Variants in QKI observed in about 807,000 individuals in gnomAD.
The protein encoded by QKI is KH domain-containing RNA-binding protein QKI.
QKI carries 10 observed loss-of-function variants against 39.0 expected under a neutral mutation model. The observed-to-expected ratio is 0.26, with a 90% CI of 0.16 to 0.43. The LOEUF (loss-of-function observed/expected upper bound fraction) is 0.43. Ranked by LOEUF, QKI falls within the 20% of genes least tolerant of loss-of-function variation. The pLI is 1.00. For missense variants in QKI, 218 were observed against 428.0 expected, an observed-to-expected ratio of 0.51 and a Z score of 4.33; for synonymous variants, 204 against 155.4, an observed-to-expected ratio of 1.31 and a Z score of -2.33.
At chr6:163,520,131 G>A (rs1780059831) in intron 3 of QKI, among the ~76,000 whole-genome samples, 1 of 152,092 alleles carries the variant, frequency 6.6e-6, no homozygotes, top group Non-Finnish European at 1.5e-5. Flanking sequence ...TTTCAATTTA[G>A]CACCATGTCT....
chr6:163,470,005 A>G (rs1233255276), intron 2 of QKI, among the ~76,000 whole-genome samples: 1 of 152,212 alleles, frequency 6.6e-6, no homozygotes, highest in Admixed American at 6.5e-5. Context: ...CCAGCTGAGC[A>G]ATTCCAGGAA....
chr6:163,566,538 T>TA, intron 6 of QKI, 183 bp from the exon 7 acceptor site: 1 of 1,438,384 alleles, frequency 7.0e-7, no homozygotes, highest in South Asian at 1.4e-5. Context: ...GAATGCAATA[T>TA]TAATAGATGC....
chr6:163,445,015 C>T (rs1346121036), intron 1 of QKI, among the ~76,000 whole-genome samples: 1 of 152,102 alleles, frequency 6.6e-6, no homozygotes, highest in Non-Finnish European at 1.5e-5. Flanking sequence ...CTCAAGCGAT[C>T]TTTCCACCTC....
At chr6:163,568,219 A>G (rs758305197) in intron 7 of QKI, 10 of 984,266 alleles carry the variant, frequency 1.0e-5, no homozygotes, top group Non-Finnish European at 9.7e-6. Flanking sequence ...AATGTCTACA[A>G]TTGTTCTAAA....
chr6:163,518,958 T>C (rs1387299649), intron 3 of QKI, among the ~76,000 whole-genome samples: 1 of 152,224 alleles, frequency 6.6e-6, no homozygotes, highest in African/African-American at 2.4e-5. Context: ...AATAGGTATT[T>C]AGAGTTACAC....
At chr6:163,431,480 C>A (rs1788824780) in intron 1 of QKI, among the ~76,000 whole-genome samples, 1 of 132,624 alleles carries the variant, frequency 7.5e-6, no homozygotes, top group Admixed American at 7.2e-5. Flanking sequence ...TGTTGTAACT[C>A]ATGCCTGGTT....
intron 3 of QKI, among the ~76,000 whole-genome samples, chr6:163,498,547 C>CGA (rs1447241551): frequency 6.6e-6 from 1 of 151,854 alleles, no homozygotes; most frequent in African/African-American, 2.4e-5. Flanking sequence ...GTCCCTCATC[C>CGA]CCCTTCACTT....
At position 163,574,249 on chromosome 6, in the gene QKI, G is replaced by C. The variant is rs565836529; in HGVS notation, c.*3539G>C. On this transcript the variant is annotated 3_prime_UTR_variant, in exon 8 of 8. Transcript: ENST00000361752. ...TGTTGAACCATTTCTTTTAATTTCT[G>C]TAAATAAGTAATTTTATGGTCACAT... is the stretch of plus-strand genomic sequence containing the variant. 1 of 152,236 alleles carries C rather than the reference G, an allele frequency of 6.6e-6. No individual in the cohort carries two copies. The highest frequency in any genetic ancestry group is 2.1e-4 in the South Asian group (1 of 4,830). 9.4% of individuals were successfully genotyped at this position (152,236 alleles called of 1,614,324 possible).
intron 2 of QKI, among the ~76,000 whole-genome samples, chr6:163,472,624 A>G (rs573552502): frequency 1.3e-5 from 2 of 152,330 alleles, no homozygotes; most frequent in African/African-American, 2.4e-5. Flanking sequence ...AAAATTGACC[A>G]TATGCTATGC....
intron 1 of QKI, among the ~76,000 whole-genome samples, chr6:163,437,076 G>C (rs1414936090): frequency 2.0e-5 from 3 of 152,076 alleles, no homozygotes; most frequent in Admixed American, 1.3e-4. Flanking sequence ...TGTTTTATTT[G>C]GCTGAAGGAA....
intron 3 of QKI, among the ~76,000 whole-genome samples, chr6:163,490,849 A>C (rs936460476): frequency 6.6e-6 from 1 of 152,190 alleles, no homozygotes; most frequent in African/African-American, 2.4e-5. Context: ...AACTCTGCCT[A>C]GAAAGTTCTT....
At chr6:163,541,847 A>G (rs1197814769) in intron 4 of QKI, among the ~76,000 whole-genome samples, 2 of 152,126 alleles carry the variant, frequency 1.3e-5, no homozygotes, top group East Asian at 3.9e-4. Flanking sequence ...AGTACCAAGC[A>G]GTATGGCCTA....
At chr6:163,568,696 C>T (rs1583236414) in intron 7 of QKI, 4 of 985,024 alleles carry the variant, frequency 4.1e-6, no homozygotes, top group Admixed American at 6.2e-5. Flanking sequence ...TGCAAAAAAA[C>T]TCAGCCCTTG....
chr6:163,514,241 A>T (rs955713686), intron 3 of QKI, among the ~76,000 whole-genome samples: 1 of 152,146 alleles, frequency 6.6e-6, no homozygotes, highest in Non-Finnish European at 1.5e-5. Flanking sequence ...CTTTTTAAGA[A>T]ATGTCTTAGA....
rs1790843725 is a variant in QKI, at chr6:163,455,400, G to A, written c.264G>A (p.Val88=). The change falls in exon 2 of 8, where the codon GTG becomes GTA. Residue 88 remains valine, a synonymous_variant. Coordinates refer to ENST00000361752, the MANE Select transcript of QKI (RefSeq NM_006775.3). The part of the protein sequence containing the change: ...PIVQLQEKLY[V]PVKEYPDFNF... Reference sequence around the variant, plus strand: ...TTCAGTTACAAGAGAAACTTTATGTGCCTGTAAAAGAATACCCAGATGTAA... The same window carrying A: ...TTCAGTTACAAGAGAAACTTTATGTACCTGTAAAAGAATACCCAGATGTAA... 3.1e-6 allele frequency: 5 copies of A among 1,611,780 alleles called. No individual in the cohort carries two copies. The highest frequency in any genetic ancestry group is 3.3e-5 in the Admixed American group (2 of 59,816).
chr6:163,564,721 G>A (rs1478063567), intron 6 of QKI: 1 of 1,614,010 alleles, frequency 6.2e-7, no homozygotes, highest in South Asian at 1.1e-5. Flanking sequence ...CTTGCTGGAT[G>A]AAGGACTAGA....
At chr6:163,549,451 C>T (rs1420972782) in intron 4 of QKI, among the ~76,000 whole-genome samples, 1 of 152,150 alleles carries the variant, frequency 6.6e-6, no homozygotes, top group African/African-American at 2.4e-5. Context: ...TGGCTCATGC[C>T]TGTAATCCTA....
chr6:163,469,154 C>T (rs1792000551), intron 2 of QKI, among the ~76,000 whole-genome samples: 1 of 152,006 alleles, frequency 6.6e-6, no homozygotes, highest in South Asian at 2.1e-4. Flanking sequence ...TTTAGTAAAT[C>T]ATAATTGTGA....
intron 3 of QKI, among the ~76,000 whole-genome samples, chr6:163,479,295 A>C (rs1363019379): frequency 1.3e-5 from 2 of 152,148 alleles, no homozygotes; most frequent in East Asian, 1.9e-4. Context: ...ACGAACAAAC[A>C]AACCCACTAT....
Sources: allele counts gnomAD v4.1 joint callset (sites outside exome capture counted in the v4.1 genomes callset), GRCh38; gene constraint gnomAD v4.1.1; transcripts MANE v1.5; gene names NCBI Gene and HGNC (gene_info 2026-07-23, HGNC 2026-07-21).